Variants in RNGTT observed in about 807,000 individuals in gnomAD.
The protein encoded by RNGTT is mRNA-capping enzyme.
Under a neutral mutation model 79.3 loss-of-function variants are expected in RNGTT, and 33 were observed. The observed-to-expected ratio is 0.42, with a 90% CI of 0.32 to 0.56. RNGTT has a LOEUF of 0.56. RNGTT is among the 20% of genes least tolerant of loss of function. The pLI, the probability that RNGTT is intolerant of heterozygous loss-of-function variation, is 0.17. For synonymous variants in RNGTT, 222 were observed against 235.9 expected (o/e 0.94, Z 0.54); for missense variants, 497 against 739.1 (o/e 0.67, Z 3.80).
chr6:88,828,015 A>G (rs1412162633), intron 11 of RNGTT, among the ~76,000 whole-genome samples: 5 of 152,146 alleles, frequency 3.3e-5, no homozygotes, highest in Admixed American at 1.3e-4. Context: ...AGAGCAGCGG[A>G]TCTCCAGCAC....
chr6:88,808,417 A>G (rs929183303), intron 11 of RNGTT, among the ~76,000 whole-genome samples: 2 of 152,214 alleles, frequency 1.3e-5, no homozygotes, highest in Admixed American at 6.5e-5. Flanking sequence ...ATATAATGGA[A>G]TAAGAACATT....
intron 4 of RNGTT, among the ~76,000 whole-genome samples, chr6:88,918,563 T>C (rs1320021965): frequency 6.6e-6 from 1 of 151,940 alleles, no homozygotes; most frequent in African/African-American, 2.4e-5. Flanking sequence ...TTGACAATAA[T>C]AGAAACGATA....
At position 88,901,495 on chromosome 6, in the gene RNGTT, C is replaced by CTTTTTTTTTTTTT. The variant is rs71024314; in HGVS notation, c.684+3207_684+3219dup. The stretch of plus-strand genomic sequence containing the variant: ...AAAAATAACTGTCAAGCACCCTGAT[C>CTTTTTTTTTTTTT]TTTTTTTTTTTTTTTTTTTTTTTTT... On this transcript the variant is annotated intron_variant, in intron 6 of 15. Transcript: ENST00000369485. 5.8e-3 allele frequency among the ~76,000 whole-genome samples: 384 copies of CTTTTTTTTTTTTT among 65,808 alleles called. 48 individuals carry two copies. The highest frequency in any genetic ancestry group is 7.6e-3 in the Non-Finnish European group (278 of 36,366). 43.2% of individuals were successfully genotyped at this position (65,808 alleles called of 152,430 possible). A position where few individuals can be genotyped will look rare whatever the true frequency, so the allele number is the denominator to read the frequency against.
At chr6:88,747,453 T>C (rs1438518796) in intron 13 of RNGTT, among the ~76,000 whole-genome samples, 1 of 152,206 alleles carries the variant, frequency 6.6e-6, no homozygotes, top group Non-Finnish European at 1.5e-5. Flanking sequence ...CAGGAGTTTA[T>C]TATAAGAGTT....
Position 88,769,853 on chromosome 6 carries a change from C to G in RNGTT, c.1360G>C (p.Asp454His). ...GGAGGCTTCCATTTCAAAATATCAT[C>G]ACATCGACCAGGTTTGTATTTCTAA... The part of the protein sequence containing the change: ...PTGKYKPGRC[D>H]DILKWKPPSL... The change falls in exon 13 of 16, where the codon GAT becomes CAT. Residue 454 changes from aspartate (D) to histidine (H), a missense_variant. Asp to His is a moderately conservative substitution (Grantham distance 81). Around this residue, in one of 3 missense-constraint regions of RNGTT, gnomAD observed 440 missense variants for 671.5 expected, o/e 0.66. Coordinates refer to ENST00000369485, the MANE Select transcript of RNGTT (RefSeq NM_003800.5). The G allele has an allele frequency of 6.2e-7, 1 of 1,610,504 alleles. No homozygotes were observed. Among genetic ancestry groups the G allele is most frequent in the Non-Finnish European group, 8.5e-7 (1 of 1,177,712 alleles).
At chr6:88,654,517 C>A (rs191710378) in intron 14 of RNGTT, among the ~76,000 whole-genome samples, 7 of 152,142 alleles carry the variant, frequency 4.6e-5, no homozygotes. Flanking sequence ...CTTGAGAATT[C>A]GTACTTTTGA....
intron 14 of RNGTT, among the ~76,000 whole-genome samples, chr6:88,637,779 G>A (rs1044732252): frequency 2.6e-5 from 4 of 152,096 alleles, no homozygotes; most frequent in African/African-American, 9.7e-5. Flanking sequence ...ACTGCTTTAG[G>A]GGAGAGGGAT....
At chr6:88,749,928 A>G (rs1379842991) in intron 13 of RNGTT, among the ~76,000 whole-genome samples, 1 of 152,112 alleles carries the variant, frequency 6.6e-6, no homozygotes, top group East Asian at 1.9e-4. Flanking sequence ...TTCACTGGCA[A>G]TCCTTTGTGT....
chr6:88,778,561 C>A (rs9362559), intron 12 of RNGTT, among the ~76,000 whole-genome samples: 5 of 152,090 alleles, frequency 3.3e-5, no homozygotes, highest in Admixed American at 3.3e-4. Context: ...GGTGCAGTCA[C>A]AGCACTGCAG....
intron 13 of RNGTT, among the ~76,000 whole-genome samples, chr6:88,745,104 A>G (rs564010151): frequency 6.6e-6 from 1 of 152,300 alleles, no homozygotes; most frequent in South Asian, 2.1e-4. Context: ...TTGAGGAGAA[A>G]CAGAATATTT....
rs553860463 is a variant in RNGTT, at chr6:88,729,049, G to A, written c.1439+40725C>T. 7.2e-5 allele frequency among the ~76,000 whole-genome samples: 11 copies of A among 152,286 alleles called. No homozygotes were observed. The South Asian group carries it at 2.3e-3, about 32-fold the overall frequency. On this transcript the variant is annotated intron_variant, in intron 13 of 15. Coordinates refer to ENST00000369485, the MANE Select transcript of RNGTT (RefSeq NM_003800.5). Reference sequence around the variant, plus strand: ...CTCTTTTCCAGGATTCTACCGCCTGGAGTAACACATCATGCCAAGCTCGCT... The same window carrying A: ...CTCTTTTCCAGGATTCTACCGCCTGAAGTAACACATCATGCCAAGCTCGCT...
chr6:88,751,391 T>A (rs1777833313), intron 13 of RNGTT, among the ~76,000 whole-genome samples: 1 of 152,142 alleles, frequency 6.6e-6, no homozygotes, highest in Non-Finnish European at 1.5e-5. Flanking sequence ...ATTTGATGAA[T>A]ATTTAAATAA....
chr6:88,677,660 A>C (rs1214563245), intron 14 of RNGTT, among the ~76,000 whole-genome samples: 2 of 151,858 alleles, frequency 1.3e-5, no homozygotes, highest in Non-Finnish European at 2.9e-5. Flanking sequence ...ATGAGGTTTC[A>C]CTATGTTGCC....
Position 88,769,948 on chromosome 6 carries a change from G to A in RNGTT, c.1339-74C>T, listed in dbSNP as rs1252358818. 20 of 1,004,576 alleles carry A rather than the reference G, an allele frequency of 2.0e-5. No individual in the cohort carries two copies. The East Asian group carries it at 5.3e-4, about 26-fold the overall frequency. The allele number at this position is 1,004,576 out of a possible 1,614,324, so 62.2% of individuals were successfully genotyped here. On this transcript the variant is annotated intron_variant, in intron 12 of 15. Transcript: ENST00000369485. ...AAACATTCAATGTATTAAACCTAATGTAACTTTTTATTAAGCAAAATTACT... is the reference window on the plus strand; with the variant it reads ...AAACATTCAATGTATTAAACCTAATATAACTTTTTATTAAGCAAAATTACT...
intron 2 of RNGTT, among the ~76,000 whole-genome samples, chr6:88,932,668 C>T (rs940800668): frequency 2.6e-5 from 4 of 152,002 alleles, no homozygotes; most frequent in Non-Finnish European, 5.9e-5. Context: ...GGGCTGGTTC[C>T]CCCAACAGAT....
intron 1 of RNGTT, among the ~76,000 whole-genome samples, chr6:88,962,741 T>C (rs536594897): frequency 1.3e-5 from 2 of 151,780 alleles, no homozygotes; most frequent in East Asian, 1.9e-4. Context: ...GTCTCAAATA[T>C]ATACATTATA....
At chr6:88,765,470 C>T (rs1466320812) in intron 13 of RNGTT, among the ~76,000 whole-genome samples, 1 of 152,042 alleles carries the variant, frequency 6.6e-6, no homozygotes, top group Non-Finnish European at 1.5e-5. Context: ...CCCACAAAAC[C>T]TGATAAAGTA....
chr6:88,652,589 C>T (rs1332844677), intron 14 of RNGTT, among the ~76,000 whole-genome samples: 2 of 152,198 alleles, frequency 1.3e-5, no homozygotes, highest in Non-Finnish European at 1.5e-5. Flanking sequence ...CAAGTTAATA[C>T]TTCCTATTAC....
At chr6:88,734,032 A>G (rs556850915) in intron 13 of RNGTT, among the ~76,000 whole-genome samples, 1 of 152,328 alleles carries the variant, frequency 6.6e-6, no homozygotes, top group Non-Finnish European at 1.5e-5. Context: ...AAGAAGGAAT[A>G]AATGACGGTA....
Sources: allele counts gnomAD v4.1 joint callset (sites outside exome capture counted in the v4.1 genomes callset), GRCh38; gene constraint gnomAD v4.1.1; regional missense constraint gnomAD v4.1.1; transcripts MANE v1.5; gene names NCBI Gene and HGNC (gene_info 2026-07-23, HGNC 2026-07-21).